ST8SIA4: variants seen among roughly 807,000 people sequenced by gnomAD.
ST8SIA4 encodes ST8 alpha-N-acetyl-neuraminide alpha-2,8-sialyltransferase 4, also known as CMP-N-acetylneuraminate-poly-alpha-2,8-sialyltransferase.
Under a neutral mutation model 33.9 loss-of-function variants are expected in ST8SIA4, and 15 were observed. The ratio of observed to expected loss-of-function variants is 0.44; its 90% CI spans 0.30 to 0.68. ST8SIA4 has a LOEUF of 0.68. Among genes scored for constraint, ST8SIA4 ranks in the 30% least tolerant of loss-of-function variants. ST8SIA4 has a pLI of 0.10. For missense variants in ST8SIA4, 321 were observed against 428.0 expected (o/e 0.75, Z 2.21); for synonymous variants, 171 against 151.2 (o/e 1.13, Z -0.96).
chr5:100,843,067 G>A (rs1373194904), intron 4 of ST8SIA4, among the ~76,000 whole-genome samples: 1 of 151,664 alleles, frequency 6.6e-6, no homozygotes, highest in African/African-American at 2.4e-5. Context: ...CTATTATAAA[G>A]GCCAATAATT....
chr5:100,876,144 A>T (rs938630995), intron 3 of ST8SIA4, among the ~76,000 whole-genome samples: 5 of 152,086 alleles, frequency 3.3e-5, no homozygotes, highest in African/African-American at 1.2e-4. Context: ...AAAAGAAATT[A>T]TCCCAGAGAT....
intron 3 of ST8SIA4, among the ~76,000 whole-genome samples, chr5:100,880,740 C>T (rs140757037): frequency 7.9e-5 from 12 of 152,026 alleles, no homozygotes; most frequent in African/African-American, 2.9e-4. Flanking sequence ...TCATTTGACT[C>T]CTGATATTTT....
At chr5:100,823,315 C>T (rs1751072097) in intron 4 of ST8SIA4, among the ~76,000 whole-genome samples, 1 of 152,188 alleles carries the variant, frequency 6.6e-6, no homozygotes, top group Non-Finnish European at 1.5e-5. Flanking sequence ...GAATAATCCA[C>T]CCCTTGTTTA....
intron 4 of ST8SIA4, among the ~76,000 whole-genome samples, chr5:100,825,651 T>C (rs1184999581): frequency 6.6e-6 from 1 of 152,212 alleles, no homozygotes; most frequent in Admixed American, 6.5e-5. Flanking sequence ...GGACCATAAC[T>C]GAACTCTGGA....
At chr5:100,877,513 T>C (rs1404547912) in intron 3 of ST8SIA4, among the ~76,000 whole-genome samples, 1 of 152,094 alleles carries the variant, frequency 6.6e-6, no homozygotes, top group Non-Finnish European at 1.5e-5. Context: ...AGAAAGAAAG[T>C]CTGGTATGAC....
intron 2 of ST8SIA4, among the ~76,000 whole-genome samples, chr5:100,888,902 C>A (rs1752599119): frequency 6.6e-6 from 1 of 151,920 alleles, no homozygotes; most frequent in South Asian, 2.1e-4. Flanking sequence ...ATGTTATGAT[C>A]TTTTTCCCCA....
chr5:100,852,444 A>T (rs202077045), intron 4 of ST8SIA4, among the ~76,000 whole-genome samples: 1 of 1,846 alleles, frequency 5.4e-4, no homozygotes, highest in East Asian at 0.029. Flanking sequence ...ATTCTTTATT[A>T]AAAAAAAAAA....
chr5:100,846,662 G>A (rs955107044), intron 4 of ST8SIA4, among the ~76,000 whole-genome samples: 6 of 151,884 alleles, frequency 4.0e-5, no homozygotes, highest in African/African-American at 1.4e-4. Context: ...GAAGAAGAGA[G>A]AAAAATCCAT....
At chr5:100,826,797 T>C (rs1453889178) in intron 4 of ST8SIA4, among the ~76,000 whole-genome samples, 1 of 152,040 alleles carries the variant, frequency 6.6e-6, no homozygotes, top group Non-Finnish European at 1.5e-5. Flanking sequence ...ATGAGTGTCC[T>C]ATTCAGAATA....
intron 1 of ST8SIA4, among the ~76,000 whole-genome samples, chr5:100,897,878 C>T (rs1395927336): frequency 6.6e-6 from 1 of 152,108 alleles, no homozygotes; most frequent in East Asian, 1.9e-4. Context: ...GCTTTACTGA[C>T]CATCGGCCCA....
intron 3 of ST8SIA4, among the ~76,000 whole-genome samples, chr5:100,865,864 T>A (rs1038847804): frequency 6.6e-6 from 1 of 152,142 alleles, no homozygotes; most frequent in Non-Finnish European, 1.5e-5. Flanking sequence ...AGATTTTTTT[T>A]ATAATTTAAA....
rs376775486 is a variant in ST8SIA4, at chr5:100,846,553, C to G, written c.797+9550G>C. On this transcript the variant is annotated intron_variant, in intron 4 of 4. Coordinates refer to ENST00000231461, the MANE Select transcript of ST8SIA4 (RefSeq NM_005668.6). ...AGAAGAGAATACAGAGAGCAGAAACCCAGGTCAATCTCACCAAAAGGAAAA... is the reference window on the plus strand; with the variant it reads ...AGAAGAGAATACAGAGAGCAGAAACGCAGGTCAATCTCACCAAAAGGAAAA... Among the ~76,000 whole-genome samples, 11 of 151,868 alleles carry G rather than the reference C, an allele frequency of 7.2e-5. No homozygotes were observed. In the East Asian group the frequency reaches 1.7e-3, roughly 24 times the overall value.
chr5:100,837,900 G>A (rs995272099), intron 4 of ST8SIA4, among the ~76,000 whole-genome samples: 13 of 151,936 alleles, frequency 8.6e-5, no homozygotes, highest in African/African-American at 3.1e-4. Flanking sequence ...ATCTGCCCAA[G>A]AATGTCTTAA....
At chr5:100,827,677 A>C (rs1751173210) in intron 4 of ST8SIA4, among the ~76,000 whole-genome samples, 1 of 152,216 alleles carries the variant, frequency 6.6e-6, no homozygotes, top group South Asian at 2.1e-4. Context: ...CTGGGATGCC[A>C]GAGTGTTTTC....
At chr5:100,864,498 C>G (rs1752019487) in intron 3 of ST8SIA4, among the ~76,000 whole-genome samples, 1 of 143,934 alleles carries the variant, frequency 6.9e-6, no homozygotes. Context: ...TGGCGTGAAC[C>G]TGGGAGTTGG....
intron 4 of ST8SIA4, among the ~76,000 whole-genome samples, chr5:100,846,011 CACAGGCAGGTAAA>C (rs1580459499): frequency 6.6e-6 from 1 of 151,894 alleles, no homozygotes; most frequent in East Asian, 1.9e-4. Flanking sequence ...CTAGCAACAC[CACAGGCAGGTAAA>C]ATTTAGTAAG....
In ST8SIA4 at chr5:100,876,542, G is replaced by A. The variant is rs184506531; in HGVS notation, c.503+9801C>T. 3.4e-4 allele frequency among the ~76,000 whole-genome samples: 51 copies of A among 152,118 alleles called. 1 individual carries two copies. Among genetic ancestry groups the A allele is most frequent in the Admixed American group, 2.9e-3 (45 of 15,282 alleles). ...GTAAGATATCTTTAACCTAGCCAATGACTGGCTTCCTTTGTTTTTCTATCT... is the reference window on the plus strand; with the variant it reads ...GTAAGATATCTTTAACCTAGCCAATAACTGGCTTCCTTTGTTTTTCTATCT... On this transcript the variant is annotated intron_variant, in intron 3 of 4. Coordinates refer to ENST00000231461, the MANE Select transcript of ST8SIA4 (RefSeq NM_005668.6).
intron 3 of ST8SIA4, among the ~76,000 whole-genome samples, chr5:100,877,035 G>A (rs1752321341): frequency 1.3e-5 from 2 of 151,824 alleles, no homozygotes; most frequent in South Asian, 4.2e-4. Flanking sequence ...ATAATACTTG[G>A]GTAAATCTTA....
intron 4 of ST8SIA4, among the ~76,000 whole-genome samples, chr5:100,840,141 G>C (rs543477627): frequency 6.6e-6 from 1 of 151,798 alleles, no homozygotes; most frequent in South Asian, 2.1e-4. Context: ...TCTAATACCT[G>C]AAATGAGAAT....
Sources: allele counts gnomAD v4.1 joint callset (sites outside exome capture counted in the v4.1 genomes callset), GRCh38; gene constraint gnomAD v4.1.1; transcripts MANE v1.5; gene names NCBI Gene and HGNC (gene_info 2026-07-23, HGNC 2026-07-21).